Variants in DCC observed in about 807,000 individuals in gnomAD.
The protein encoded by DCC is DCC netrin 1 receptor, also known as netrin receptor DCC.
DCC carries 58 observed loss-of-function variants against 172.5 expected under a neutral mutation model. The observed-to-expected ratio is 0.34, with a 90% CI of 0.27 to 0.42. DCC has a LOEUF of 0.42. DCC is among the 10% of genes least tolerant of loss of function. The pLI, the probability that DCC is intolerant of heterozygous loss-of-function variation, is 1.00. For synonymous variants in DCC, 709 were observed against 644.5 expected (o/e 1.10, Z -1.52); for missense variants, 1,740 against 1,791.0 (o/e 0.97, Z 0.51).
intron 2 of DCC, among the ~76,000 whole-genome samples, chr18:52,835,842 T>A (rs1194701100): frequency 6.6e-6 from 1 of 152,184 alleles, no homozygotes; most frequent in African/African-American, 2.4e-5. Context: ...GGCATAACAT[T>A]TAAAAATATT....
At chr18:52,944,826 C>T (rs1448919584) in intron 5 of DCC, among the ~76,000 whole-genome samples, 1 of 152,128 alleles carries the variant, frequency 6.6e-6, no homozygotes, top group African/African-American at 2.4e-5. Context: ...AACTTCATCT[C>T]CCACTGAAGG....
chr18:53,325,330 A>C (rs1467352063), intron 14 of DCC, among the ~76,000 whole-genome samples: 1 of 152,174 alleles, frequency 6.6e-6, no homozygotes, highest in Non-Finnish European at 1.5e-5. Context: ...AACGATTCTA[A>C]GAAGTGAGAT....
intron 1 of DCC, among the ~76,000 whole-genome samples, chr18:52,610,165 AAAAAAAAAAAAAAATATATATATATAT>A (rs2034228981): frequency 1.3e-4 from 3 of 22,920 alleles, no homozygotes; most frequent in Admixed American, 7.7e-4. Context: ...AAAAAAAAAA[AAAAAAAAAAAAAAATATATATATATAT>A]ATATATATAT....
At chr18:52,661,494 C>T (rs998693803) in intron 1 of DCC, among the ~76,000 whole-genome samples, 2 of 152,146 alleles carry the variant, frequency 1.3e-5, no homozygotes, top group African/African-American at 4.8e-5. Flanking sequence ...ATCCCACAGC[C>T]GTCGCTATCC....
chr18:52,895,666 T>C (rs2039717924), intron 2 of DCC, among the ~76,000 whole-genome samples: 1 of 152,228 alleles, frequency 6.6e-6, no homozygotes, highest in Non-Finnish European at 1.5e-5. Context: ...CAATTACCAA[T>C]TGTGCAATTA....
At chr18:52,816,032 C>G (rs549245778) in intron 2 of DCC, among the ~76,000 whole-genome samples, 1 of 152,310 alleles carries the variant, frequency 6.6e-6, no homozygotes, top group East Asian at 1.9e-4. Flanking sequence ...TTATTGTGCC[C>G]TTGCATTGTG....
At chr18:53,067,769 T>A (rs1233268309) in intron 7 of DCC, among the ~76,000 whole-genome samples, 1 of 152,248 alleles carries the variant, frequency 6.6e-6, no homozygotes, top group Non-Finnish European at 1.5e-5. Flanking sequence ...TCAACTCTTT[T>A]GGACCAGTTT....
At chr18:52,400,962 A>T (rs1224303524) in intron 1 of DCC, among the ~76,000 whole-genome samples, 1 of 151,838 alleles carries the variant, frequency 6.6e-6, no homozygotes, top group Non-Finnish European at 1.5e-5. Flanking sequence ...GGACTAGGGG[A>T]GGGATAGCAT....
chr18:53,190,718 G>A (rs1033332114), intron 9 of DCC, among the ~76,000 whole-genome samples: 16 of 152,128 alleles, frequency 1.1e-4, no homozygotes, highest in South Asian at 2.1e-4. Flanking sequence ...AGGCTGAGGC[G>A]GGTGGATCAC....
chr18:52,362,532 A>G (rs927485514), intron 1 of DCC, among the ~76,000 whole-genome samples: 1 of 152,218 alleles, frequency 6.6e-6, no homozygotes, highest in African/African-American at 2.4e-5. Context: ...GGAGGGTTAT[A>G]AAATTTGAAT....
At chr18:52,443,173 A>T (rs1248039334) in intron 1 of DCC, among the ~76,000 whole-genome samples, 1 of 152,216 alleles carries the variant, frequency 6.6e-6, no homozygotes, top group Non-Finnish European at 1.5e-5. Flanking sequence ...TGTTGAGTTC[A>T]ATATTGTGAT....
intron 1 of DCC, among the ~76,000 whole-genome samples, chr18:52,740,717 T>C (rs1177973316): frequency 1.3e-5 from 2 of 152,224 alleles, no homozygotes; most frequent in African/African-American, 2.4e-5. Flanking sequence ...TCTTTTATCT[T>C]CAAGAGAAAA....
intron 2 of DCC, among the ~76,000 whole-genome samples, chr18:52,763,507 C>G (rs1568087861): frequency 6.6e-6 from 1 of 152,194 alleles, no homozygotes; most frequent in Non-Finnish European, 1.5e-5. Context: ...CCAGTTATGT[C>G]CCAGCCCAGG....
chr18:52,844,637 A>G (rs2038857609), intron 2 of DCC, among the ~76,000 whole-genome samples: 1 of 152,188 alleles, frequency 6.6e-6, no homozygotes, highest in African/African-American at 2.4e-5. Context: ...GATCAGTATT[A>G]TCTGTGAGTT....
At chr18:53,097,353 T>C (rs2043102150) in intron 7 of DCC, among the ~76,000 whole-genome samples, 1 of 152,170 alleles carries the variant, frequency 6.6e-6, no homozygotes, top group Non-Finnish European at 1.5e-5. Context: ...TAACACTACA[T>C]CCTGTTGCCA....
intron 1 of DCC, among the ~76,000 whole-genome samples, chr18:52,700,280 GCA>G (rs796706795): frequency 1.3e-5 from 1 of 75,804 alleles, no homozygotes; most frequent in South Asian, 4.5e-4. Flanking sequence ...GTGCACACAT[GCA>G]CACACATGCA....
At chr18:53,088,531 C>A (rs1363004970) in intron 7 of DCC, among the ~76,000 whole-genome samples, 7 of 152,030 alleles carry the variant, frequency 4.6e-5, no homozygotes, top group Admixed American at 1.3e-4. Flanking sequence ...TCTAGATATA[C>A]AATCATGTCG....
chr18:53,381,285 T>C lies in DCC; in HGVS notation c.2360-4758T>C, dbSNP rs552230396. Among the ~76,000 whole-genome samples the C allele has an allele frequency of 3.2e-4, 48 of 152,122 alleles. 1 individual carries two copies. The South Asian group carries it at 5.4e-3, about 17-fold the overall frequency. ...AGACTGAAAGGTAATAATCCAGTAA[T>C]GTTACAGAAGCTTTTACAGAGTGCA... On this transcript the variant is annotated intron_variant, in intron 15 of 28. Transcript: ENST00000442544.
chr18:53,327,733 G>A (rs1187930028), intron 14 of DCC, among the ~76,000 whole-genome samples: 1 of 152,128 alleles, frequency 6.6e-6, no homozygotes, highest in Non-Finnish European at 1.5e-5. Flanking sequence ...GGTAAGGAGT[G>A]CGATTTACAC....
Sources: gnomAD v4.1 joint callset for allele counts (sites outside exome capture counted in the v4.1 genomes callset) on GRCh38, gnomAD v4.1.1 for gene constraint, MANE v1.5 for transcripts, NCBI Gene and HGNC (gene_info 2026-07-23, HGNC 2026-07-21) for gene names.